RAB9B: variants seen among roughly 807,000 people sequenced by gnomAD.
The protein encoded by RAB9B is ras-related protein Rab-9B.
Under a neutral mutation model 8.9 loss-of-function variants are expected in RAB9B, and 1 was observed. The ratio of observed to expected loss-of-function variants is 0.11; its 90% CI spans 0.04 to 0.53. The LOEUF is 0.53. Ranked by LOEUF, RAB9B falls within the 20% of genes least tolerant of loss-of-function variation. RAB9B has a pLI of 0.93. For missense variants in RAB9B, 82 were observed against 152.9 expected (o/e 0.54, Z 2.45); for synonymous variants, 63 against 57.0 (o/e 1.10, Z -0.47).
chrX:103,802,234 G>A, the RAB9B span, among the ~76,000 whole-genome samples: 816 of 79,103 alleles, frequency 0.01, 7 homozygotes, highest in African/African-American at 0.038. Context: ...GAGAGAGAGA[G>A]AAAAAAAGGG....
At chrX:103,785,490 C>A in the RAB9B span, 1 of 815,829 alleles carries the variant, frequency 1.2e-6, no homozygotes, top group Non-Finnish European at 1.8e-6. Context: ...CCACTATCTC[C>A]GAGCCTGTGA....
chrX:103,793,348 T>G, the RAB9B span, among the ~76,000 whole-genome samples: 1 of 112,113 alleles, frequency 8.9e-6, no homozygotes, highest in African/African-American at 3.2e-5. Flanking sequence ...TGCCCCATAG[T>G]TGCAGCTGGC....
At chrX:103,821,340 T>C (rs1333487408), downstream of RAB9B, among the ~76,000 whole-genome samples, 1 of 79,280 alleles carries the variant, frequency 1.3e-5, no homozygotes, top group Non-Finnish European at 2.4e-5. Flanking sequence ...GAGATGGAAA[T>C]GGTACATGTG....
chrX:103,776,829 A>G, the RAB9B span: 1 of 522,705 alleles, frequency 1.9e-6, no homozygotes, highest in South Asian at 3.1e-5. Flanking sequence ...TTGGCTGTCA[A>G]TCAGAAAGCC....
rs2074669759 is a variant in RAB9B at position 103,823,262 on chromosome X, T to C, written c.*1917A>G. The C allele has an allele frequency of 8.9e-6, 1 of 111,969 alleles. No individual in the cohort carries two copies. Among genetic ancestry groups the C allele is most frequent in the Admixed American group, 9.5e-5 (1 of 10,526 alleles). 9.2% of individuals were successfully genotyped at this position (111,969 alleles called of 1,213,427 possible). A position where few individuals can be genotyped will look rare whatever the true frequency, so the allele number is the denominator to read the frequency against. On this transcript the variant is annotated 3_prime_UTR_variant, in exon 3 of 3. Coordinates refer to ENST00000243298, the MANE Select transcript of RAB9B (RefSeq NM_016370.4). ...AAACCAGTGTGGCTGGCTATAGGCA[T>C]AGGCAGGATAGGGACCAGTACTTAA...
the RAB9B span, among the ~76,000 whole-genome samples, chrX:103,785,367 G>A: frequency 3.6e-5 from 4 of 112,530 alleles, no homozygotes; most frequent in East Asian, 5.6e-4. Flanking sequence ...ATGAGCCACC[G>A]TGCCCGGCCA....
chrX:103,829,843 C>T (rs181187808), intron 1 of RAB9B, among the ~76,000 whole-genome samples: 3 of 111,736 alleles, frequency 2.7e-5, no homozygotes, highest in Admixed American at 1.9e-4. Flanking sequence ...ATCTTTGAAG[C>T]CCCTTCAGTG....
At chrX:103,778,325 G>A in the RAB9B span, among the ~76,000 whole-genome samples, 6 of 112,045 alleles carry the variant, frequency 5.4e-5, no homozygotes, top group Admixed American at 2.8e-4. Context: ...GTATACAGGC[G>A]AACTCTTCCT....
At chrX:103,813,308 AC>A in the RAB9B span, among the ~76,000 whole-genome samples, 1 of 110,214 alleles carries the variant, frequency 9.1e-6, no homozygotes. Flanking sequence ...CACACATATC[AC>A]CATATTTTCT....
At position 103,823,484 on chromosome X, in the gene RAB9B, G is replaced by A. The variant is rs756104357; in HGVS notation, c.*1695C>T. 5 of 111,883 alleles carry A rather than the reference G, an allele frequency of 4.5e-5. No homozygotes were observed. In the South Asian group the frequency reaches 1.5e-3, roughly 34 times the overall value. The allele number at this position is 111,883 out of a possible 1,213,427, so 9.2% of individuals were successfully genotyped here. A position where few individuals can be genotyped will look rare whatever the true frequency, so the allele number is the denominator to read the frequency against. The stretch of plus-strand genomic sequence containing the variant: ...CATGTAAGTAAGGCTGATTCCATAC[G>A]TGGCTACAATGGAGAGTTCTAGGCT... On this transcript the variant is annotated 3_prime_UTR_variant, in exon 3 of 3. Transcript: ENST00000243298.
At chrX:103,826,079 C>T (rs1279002030) in intron 2 of RAB9B, among the ~76,000 whole-genome samples, 3 of 111,921 alleles carry the variant, frequency 2.7e-5, no homozygotes. Context: ...GCAGATGGTC[C>T]TGTAATTTGG....
At chrX:103,796,149 C>G in the RAB9B span, among the ~76,000 whole-genome samples, 1 of 111,845 alleles carries the variant, frequency 8.9e-6, no homozygotes, top group Non-Finnish European at 1.9e-5. Flanking sequence ...ATGCTTTATG[C>G]CCTATTTGTC....
At chrX:103,794,296 C>A in the RAB9B span, among the ~76,000 whole-genome samples, 4 of 111,562 alleles carry the variant, frequency 3.6e-5, no homozygotes, top group African/African-American at 1.3e-4. Context: ...GGCATGGATA[C>A]AAACAAAACT....
chrX:103,788,415 T>C, the RAB9B span: 1 of 1,166,948 alleles, frequency 8.6e-7, no homozygotes, highest in Non-Finnish European at 1.2e-6. Context: ...CTTACCCTGC[T>C]TGCTTTTTGT....
the RAB9B span, among the ~76,000 whole-genome samples, chrX:103,813,485 A>G: frequency 4.6e-5 from 5 of 109,122 alleles, no homozygotes; most frequent in African/African-American, 1.7e-4. Context: ...TGTTTTTGAG[A>G]CAGAGTCTTG....
the RAB9B span, among the ~76,000 whole-genome samples, chrX:103,804,644 A>G: frequency 8.9e-6 from 1 of 111,827 alleles, no homozygotes; most frequent in African/African-American, 3.2e-5. Context: ...TGAGCCTTTC[A>G]ATTCATGAAA....
At chrX:103,796,822 G>A in the RAB9B span, among the ~76,000 whole-genome samples, 3 of 79,504 alleles carry the variant, frequency 3.8e-5, no homozygotes, top group South Asian at 1.8e-3. Flanking sequence ...CTGAAAAGGG[G>A]CCACAAAGCG....
At chrX:103,787,991 G>A in the RAB9B span, 11 of 1,151,040 alleles carry the variant, frequency 9.6e-6, no homozygotes, top group Non-Finnish European at 1.3e-5. Context: ...GGGTGCTTTG[G>A]CTCTCCTACC....
chrX:103,786,452 C>A, the RAB9B span: 2 of 1,205,870 alleles, frequency 1.7e-6, no homozygotes, highest in Non-Finnish European at 2.2e-6. Flanking sequence ...CGTTTGTCTA[C>A]CTGTTAATGC....
Sources: gnomAD v4.1 joint callset for allele counts (sites outside exome capture counted in the v4.1 genomes callset) on GRCh38, gnomAD v4.1.1 for gene constraint, MANE v1.5 for transcripts, NCBI Gene and HGNC (gene_info 2026-07-23, HGNC 2026-07-21) for gene names.